POLRMT: variants seen among roughly 807,000 people sequenced by gnomAD.
POLRMT encodes RNA polymerase mitochondrial.
POLRMT carries 114 observed loss-of-function variants against 132.2 expected under a neutral mutation model. That is an observed-to-expected ratio of 0.86 (90% CI 0.74 to 1.01). POLRMT has a LOEUF of 1.01. Ranked by LOEUF, POLRMT falls within the 50% of genes least tolerant of loss-of-function variation. The pLI, the probability that POLRMT is intolerant of heterozygous loss-of-function variation, is 0.00. For missense variants in POLRMT, 2,003 were observed against 1,729.1 expected, an observed-to-expected ratio of 1.16 and a Z score of -2.81; for synonymous variants, 1,020 against 773.4, an observed-to-expected ratio of 1.32 and a Z score of -5.29.
intron 2 of POLRMT, among the ~76,000 whole-genome samples, chr19:631,790 A>G (rs1225731071): frequency 1.3e-5 from 2 of 152,104 alleles, no homozygotes; most frequent in Non-Finnish European, 2.9e-5. Context: ...TGCCCAGGCT[A>G]GAGTGCAATG....
intron 15 of POLRMT, 24 bp from the exon 16 acceptor site, chr19:618,784 A>T: frequency 1.3e-6 from 2 of 1,578,670 alleles, no homozygotes; most frequent in South Asian, 2.3e-5. Context: ...GGGGCCGGTG[A>T]GTCCCACCCG....
At chr19:619,157 C>A in intron 14 of POLRMT, 47 bp from the exon 15 acceptor site, 1 of 1,610,416 alleles carries the variant, frequency 6.2e-7, no homozygotes, top group African/African-American at 1.3e-5. Context: ...GGCCGGGGAT[C>A]CCGTCCACTT....
intron 8 of POLRMT, 53 bp from the exon 9 acceptor site, chr19:622,426 C>A (rs372759003): frequency 2.0e-6 from 3 of 1,489,128 alleles, no homozygotes; most frequent in East Asian, 2.5e-5. Context: ...GAGCTAGATG[C>A]CCCACCGCCC....
intron 2 of POLRMT, among the ~76,000 whole-genome samples, chr19:632,518 T>C (rs1482287462): frequency 1.5e-5 from 2 of 136,134 alleles, no homozygotes; most frequent in African/African-American, 5.8e-5. Context: ...TCTGCACATG[T>C]GGCCTTGGCG....
At position 622,365 on chromosome 19, in the gene POLRMT, C is replaced by T; in HGVS notation, c.1635G>A (p.Glu545=). The T allele has an allele frequency of 6.5e-7, 1 of 1,549,708 alleles. No homozygotes were observed. The highest frequency in any genetic ancestry group is 8.7e-7 in the Non-Finnish European group (1 of 1,148,906). Residue 545 remains glutamate (E), a synonymous_variant, in exon 9 of 21, where the codon GAG becomes GAA. Coordinates refer to ENST00000588649, the MANE Select transcript of POLRMT (RefSeq NM_005035.4). The part of the protein sequence containing the change: ...CLLASDAEVP[E]PCLPRQYWEE... ...CCCAGTACTGCCGCGGCAGGCAGGG[C>T]TCGGGCACCTGTAGGACAGGGCGGT... is the stretch of plus-strand genomic sequence containing the variant.
In POLRMT at chr19:620,919, GGGC is replaced by G. The variant is rs1984498925; in HGVS notation, c.2640+136_2640+138del. On this transcript the variant is annotated intron_variant, in intron 10 of 20. Transcript: ENST00000588649. ...GGGAGGGGGAGGGGAGGAGGAAGAC[GGGC>G]AGGGGGCGCCAGGGGAGGGGGAGGG... 7.3e-5 allele frequency: 12 copies of G among 163,706 alleles called. 3 individuals are homozygous for G. Among genetic ancestry groups the G allele is most frequent in the Middle Eastern group, 4.0e-3 (2 of 502 alleles). 10.1% of individuals were successfully genotyped at this position (163,706 alleles called of 1,614,324 possible). A position where few individuals can be genotyped will look rare whatever the true frequency, so the allele number is the denominator to read the frequency against.
At position 620,114 on chromosome 19, in the gene POLRMT, TAG is replaced by T. The variant is rs796605446; in HGVS notation, c.2764-36_2764-35del. ...GGGGCGGCAAACGGGAGATGGAAGCTAGAGAGGCAGAGACGTGTGGGACCCCA... is the reference window on the plus strand; with the variant it reads ...GGGGCGGCAAACGGGAGATGGAAGCTAGAGGCAGAGACGTGTGGGACCCCA... On this transcript the variant is annotated intron_variant, in intron 11 of 20. Transcript: ENST00000588649. 2.0e-6 allele frequency: 3 copies of T among 1,533,790 alleles called. No homozygotes were observed. The African/African-American group carries it at 4.1e-5, about 21-fold the overall frequency.
rs1342769085 is a variant in POLRMT at position 618,778 on chromosome 19, C to A, written c.3268-18G>T. ...CCTATTTGCTAAAAAGGGGAAGGGG[C>A]CGGTGAGTCCCACCCGAGGCCCAGC... On this transcript the variant is annotated intron_variant, in intron 15 of 20. Transcript: ENST00000588649. 12 of 1,583,114 alleles carry A rather than the reference C, an allele frequency of 7.6e-6. No homozygotes were observed. Among genetic ancestry groups the A allele is most frequent in the South Asian group, 2.3e-5 (2 of 87,514 alleles).
rs1035685676 is a variant in POLRMT, at chr19:621,826, G to A, written c.1872C>T (p.His624=). The A allele has an allele frequency of 6.2e-7, 1 of 1,602,246 alleles. No individual in the cohort carries two copies. The part of the protein sequence containing the change: ...NVQQIGILKP[H]PAYVQLLEKA... ...TCTCCAGCAGCTGCACGTAGGCCGG[G>A]TGCGGCTTCAGGATGCCGATCTGGG... Residue 624 remains histidine, a synonymous_variant, in exon 10 of 21, where the codon CAC becomes CAT. Coordinates refer to ENST00000588649, the MANE Select transcript of POLRMT (RefSeq NM_005035.4).
In POLRMT at chr19:619,591, G is replaced by A. The variant is rs753927804; in HGVS notation, c.3061C>T (p.Pro1021Ser). Residue 1021 changes from proline to serine, a missense_variant, in exon 13 of 21, where the codon CCC (proline) becomes TCC (serine). Pro to Ser is a moderately conservative substitution (Grantham distance 74). Coordinates refer to ENST00000588649, the MANE Select transcript of POLRMT (RefSeq NM_005035.4). ...GCGCGACATGCCTGGCGCACCTGGG[G>A]AAAGTCGCTCAGCTCCCGGAGGCGC... is the stretch of plus-strand genomic sequence containing the variant. The part of the protein sequence containing the change: ...EKRLRELSDF[P>S]QEFVWEASHY... 3 of 1,611,430 alleles carry A rather than the reference G, an allele frequency of 1.9e-6. No individual in the cohort carries two copies. Among genetic ancestry groups the A allele is most frequent in the African/African-American group, 1.3e-5 (1 of 74,990 alleles).
chr19:628,261 C>A (rs1985163282), intron 3 of POLRMT, among the ~76,000 whole-genome samples: 1 of 152,214 alleles, frequency 6.6e-6, no homozygotes, highest in African/African-American at 2.4e-5. Flanking sequence ...GGGGCCGATC[C>A]CAAAAGCGCC....
chr19:618,334 A>T, intron 17 of POLRMT, 154 bp downstream of exon 17: 2 of 628,968 alleles, frequency 3.2e-6, no homozygotes, highest in Non-Finnish European at 5.4e-6. Context: ...CGGGGCACAC[A>T]GCCTCAGGGC....
intron 11 of POLRMT, 100 bp downstream of exon 11, chr19:620,265 A>T (rs1442069616): frequency 6.8e-7 from 1 of 1,460,528 alleles, no homozygotes; most frequent in African/African-American, 1.4e-5. Context: ...GACCACCTCC[A>T]GAGAATACCA....
chr19:632,869 CGGTCTT>C lies in POLRMT; in HGVS notation c.152_157del (p.Gln51_Asp52del), dbSNP rs1985525358. On this transcript the variant is annotated inframe_deletion, in exon 2 of 21. Coordinates refer to ENST00000588649, the MANE Select transcript of POLRMT (RefSeq NM_005035.4). ...CTCCACGTGGCCCCAGTCCTTCCTGCGGTCTTGGTCTTGCTCCTGGGGGCTGGCGGA... is the reference window on the plus strand; with the variant it reads ...CTCCACGTGGCCCCAGTCCTTCCTGCGGTCTTGCTCCTGGGGGCTGGCGGA... The C allele has an allele frequency of 5.2e-6, 8 of 1,551,036 alleles. No homozygotes were observed. The highest frequency in any genetic ancestry group is 6.1e-6 in the Non-Finnish European group (7 of 1,151,920).
chr19:622,376 G>A lies in POLRMT; in HGVS notation c.1627-3C>T, dbSNP rs767359308. The A allele has an allele frequency of 1.5e-4, 238 of 1,545,498 alleles. No homozygotes were observed. Among genetic ancestry groups the A allele is most frequent in the Non-Finnish European group, 1.9e-4 (223 of 1,146,240 alleles). Reference sequence around the variant, plus strand: ...CGCGGCAGGCAGGGCTCGGGCACCTGTAGGACAGGGCGGTCAGGGCGCTGG... The same window carrying A: ...CGCGGCAGGCAGGGCTCGGGCACCTATAGGACAGGGCGGTCAGGGCGCTGG... On this transcript the variant is annotated splice_polypyrimidine_tract_variant and splice_region_variant and intron_variant, in intron 8 of 20. Coordinates refer to ENST00000588649, the MANE Select transcript of POLRMT (RefSeq NM_005035.4).
rs1418711092 is a variant in POLRMT at position 618,723 on chromosome 19, T to G, written c.3305A>C (p.His1102Pro). 1 of 1,607,430 alleles carries G rather than the reference T, an allele frequency of 6.2e-7. No individual in the cohort carries two copies. Among genetic ancestry groups the G allele is most frequent in the Non-Finnish European group, 8.5e-7 (1 of 1,177,422 alleles). The change falls in exon 16 of 21, where the codon CAC (histidine) becomes CCC (proline). Residue 1102 changes from histidine to proline, a missense_variant. Physicochemically the swap from His to Pro is moderately conservative, Grantham distance 77. Transcript: ENST00000588649. ...CACTCACCGGCTGATGTCTCCGTTG[T>G]GGGTGTAGGTGATGCTCTGAATTCC... ...GGGIQSITYT[H>P]NGDISRKPNT...
rs772662585 is a variant in POLRMT at position 622,589 on chromosome 19, T to C, written c.1619A>G (p.Asp540Gly). Reference sequence around the variant, plus strand: ...AGGGGGTGCGAGCCTCACCTCGGCGTCGGAGGCCAGCAAGCAGAGGTACTT... The same window carrying C: ...AGGGGGTGCGAGCCTCACCTCGGCGCCGGAGGCCAGCAAGCAGAGGTACTT... ...YRKYLCLLAS[D>G]AEVPEPCLPR... The change falls in exon 8 of 21, where the codon GAC becomes GGC. Residue 540 changes from aspartate (D) to glycine (G), a missense_variant. By Grantham distance (94) the Asp-to-Gly change is moderately conservative. Transcript: ENST00000588649. 2.5e-6 allele frequency: 4 copies of C among 1,600,782 alleles called. No individual in the cohort carries two copies. Among genetic ancestry groups the C allele is most frequent in the Non-Finnish European group, 2.6e-6 (3 of 1,173,718 alleles).
intron 5 of POLRMT, 138 bp downstream of exon 5, chr19:624,578 AGAG>A: frequency 2.1e-6 from 2 of 959,838 alleles, no homozygotes; most frequent in East Asian, 2.7e-5. Context: ...CCATCTTCTC[AGAG>A]GAGGAAGGGA....
In POLRMT at chr19:624,766, G is replaced by A. The variant is rs751226121; in HGVS notation, c.1093C>T (p.Pro365Ser). The change falls in exon 5 of 21, where the codon CCG becomes TCG. Residue 365 changes from proline (P) to serine (S), a missense_variant. Coordinates refer to ENST00000588649, the MANE Select transcript of POLRMT (RefSeq NM_005035.4). ...KPTFSLPPQL[P>S]PPVNTSKLLR... ...AGCTTGGAGGTGTTGACCGGGGGCG[G>A]CAGCTGCGGCGGGAGGCTGAAGGTG... 1 of 1,613,896 alleles carries A rather than the reference G, an allele frequency of 6.2e-7. No individual in the cohort carries two copies. The highest frequency in any genetic ancestry group is 8.5e-7 in the Non-Finnish European group (1 of 1,180,018).
Sources: allele counts gnomAD v4.1 joint callset (sites outside exome capture counted in the v4.1 genomes callset), GRCh38; gene constraint gnomAD v4.1.1; transcripts MANE v1.5; gene names NCBI Gene and HGNC (gene_info 2026-07-23, HGNC 2026-07-21).